BACH2: variants seen among roughly 807,000 people sequenced by gnomAD.
BACH2 encodes the protein transcription regulator protein BACH2.
In BACH2, 5 loss-of-function variants were observed where a neutral mutation model predicts 61.8. The ratio of observed to expected loss-of-function variants is 0.08; its 90% CI spans 0.04 to 0.17. The LOEUF (loss-of-function observed/expected upper bound fraction) is 0.17. BACH2 is among the 10% of genes least tolerant of loss of function. The pLI, the probability that BACH2 is intolerant of heterozygous loss-of-function variation, is 1.00. For synonymous variants in BACH2, 446 were observed against 440.1 expected (o/e 1.01, Z -0.17); for missense variants, 824 against 1,091.1 (o/e 0.76, Z 3.45).
chr6:89,954,598 A>G (rs1774324750), intron 6 of BACH2, among the ~76,000 whole-genome samples: 1 of 150,874 alleles, frequency 6.6e-6, no homozygotes, highest in Admixed American at 6.6e-5. Flanking sequence ...GAAAATTTCT[A>G]AAGAAGCCAG....
Position 89,951,213 on chromosome 6 carries a change from G to C in BACH2, c.893C>G (p.Pro298Arg). 5 of 1,614,062 alleles carry C rather than the reference G, an allele frequency of 3.1e-6. No homozygotes were observed. The highest frequency in any genetic ancestry group is 4.2e-6 in the Non-Finnish European group (5 of 1,180,036). Reference sequence around the variant, plus strand: ...ATCCCCCGCTCTGTCCTTGGCGTCAGGCTCATCTCCAGACAGGCAGAGCGT... The same window carrying C: ...ATCCCCCGCTCTGTCCTTGGCGTCACGCTCATCTCCAGACAGGCAGAGCGT... ...SITLCLSGDE[P>R]DAKDRAGDVE... Residue 298 changes from proline to arginine, a missense_variant, in exon 7 of 9, where the codon CCT becomes CGT. By Grantham distance (103) the Pro-to-Arg change is moderately radical. Around this residue, in one of 8 missense-constraint regions of BACH2, gnomAD observed 226 missense variants for 228.5 expected, o/e 0.99. Coordinates refer to ENST00000257749, the MANE Select transcript of BACH2 (RefSeq NM_021813.4). The surrounding 1 kb of genome is among the most constrained non-coding windows in gnomAD (Gnocchi z 6.4).
chr6:89,945,191 C>T (rs1773654868), intron 7 of BACH2, among the ~76,000 whole-genome samples: 1 of 152,138 alleles, frequency 6.6e-6, no homozygotes, highest in Non-Finnish European at 1.5e-5. Flanking sequence ...TAACTGAAAA[C>T]ATGTCTTAAA....
At chr6:90,158,635 G>A (rs373124095) in intron 4 of BACH2, among the ~76,000 whole-genome samples, 97 of 152,200 alleles carry the variant, frequency 6.4e-4, no homozygotes, top group African/African-American at 2.2e-3. Flanking sequence ...AGAGACGGGT[G>A]GTTGAGCTGG....
At chr6:90,292,544 T>C (rs1261109237) in intron 1 of BACH2, among the ~76,000 whole-genome samples, 1 of 152,230 alleles carries the variant, frequency 6.6e-6, no homozygotes, top group African/African-American at 2.4e-5. Flanking sequence ...TCGAATTCTC[T>C]GTTAAAAAGG....
intron 3 of BACH2, among the ~76,000 whole-genome samples, chr6:90,223,520 G>A (rs992222383): frequency 5.3e-5 from 8 of 152,142 alleles, no homozygotes; most frequent in Non-Finnish European, 7.4e-5. Flanking sequence ...CCAGGCTGGA[G>A]TGCAGTGGCG....
intron 3 of BACH2, among the ~76,000 whole-genome samples, chr6:90,241,468 T>C (rs1298233421): frequency 6.6e-6 from 1 of 152,154 alleles, no homozygotes; most frequent in African/African-American, 2.4e-5. Context: ...ACTGCAAGGG[T>C]AGGAATTTCC....
At chr6:89,943,319 T>G (rs1360939700) in intron 7 of BACH2, among the ~76,000 whole-genome samples, 1 of 152,138 alleles carries the variant, frequency 6.6e-6, no homozygotes, top group African/African-American at 2.4e-5. Flanking sequence ...TCGGCTGCTT[T>G]ATTTCTCTTC....
Position 90,295,076 on chromosome 6 carries a change from ACGCCGCGTCTCG to A in BACH2, c.-446+1392_-446+1403del, listed in dbSNP as rs372123520. 1.6e-3 allele frequency among the ~76,000 whole-genome samples: 239 copies of A among 152,282 alleles called. 1 individual carries two copies. The highest frequency in any genetic ancestry group is 5.6e-3 in the African/African-American group (231 of 41,574). On this transcript the variant is annotated intron_variant, in intron 1 of 8. Coordinates refer to ENST00000257749, the MANE Select transcript of BACH2 (RefSeq NM_021813.4). The stretch of plus-strand genomic sequence containing the variant: ...TAGACAGCGAAGGTGAAAACCAGGA[ACGCCGCGTCTCG>A]CCGCCCGCGGGCCCGCCGGGAGACT...
chr6:90,120,939 T>C (rs1783598617), intron 4 of BACH2, among the ~76,000 whole-genome samples: 1 of 152,206 alleles, frequency 6.6e-6, no homozygotes, highest in South Asian at 2.1e-4. Context: ...TATGAAAATT[T>C]AGTAAAATTA....
intron 6 of BACH2, among the ~76,000 whole-genome samples, chr6:89,979,656 A>C (rs1189101948): frequency 6.6e-6 from 1 of 152,210 alleles, no homozygotes; most frequent in Non-Finnish European, 1.5e-5. Flanking sequence ...CCATAGGATT[A>C]ATTTCTGTCT....
chr6:90,188,138 C>T (rs1040123391), intron 4 of BACH2, among the ~76,000 whole-genome samples: 4 of 152,210 alleles, frequency 2.6e-5, no homozygotes, highest in African/African-American at 9.6e-5. Flanking sequence ...TCCCCAACTC[C>T]TTTTGGTGAC....
At chr6:90,219,923 T>G (rs1769681982) in intron 3 of BACH2, among the ~76,000 whole-genome samples, 1 of 151,880 alleles carries the variant, frequency 6.6e-6, no homozygotes, top group Non-Finnish European at 1.5e-5. Context: ...GATTCTTTTT[T>G]CTGCACTAAG....
chr6:90,189,797 A>G (rs904219638), intron 4 of BACH2, among the ~76,000 whole-genome samples: 2 of 152,082 alleles, frequency 1.3e-5, no homozygotes, highest in Admixed American at 6.5e-5. Flanking sequence ...AGGTTGGTTA[A>G]TCTGCTGAGC....
chr6:90,268,469 G>C (rs1446871732), intron 2 of BACH2, among the ~76,000 whole-genome samples: 2 of 152,124 alleles, frequency 1.3e-5, no homozygotes, highest in African/African-American at 2.4e-5. Context: ...ACCAGCCCTA[G>C]TCCCAGAATA....
chr6:90,165,876 T>A (rs1767594039), intron 4 of BACH2, among the ~76,000 whole-genome samples: 2 of 152,140 alleles, frequency 1.3e-5, no homozygotes, highest in Non-Finnish European at 2.9e-5. Flanking sequence ...TGAAAGTGGA[T>A]CCCTTCCTTA....
chr6:90,099,309 G>A (rs983362994), intron 4 of BACH2, among the ~76,000 whole-genome samples: 1 of 152,162 alleles, frequency 6.6e-6, no homozygotes, highest in Non-Finnish European at 1.5e-5. Flanking sequence ...AGCTGACTTT[G>A]GCCAAGCAAT....
chr6:90,153,362 C>T (rs1784892333), intron 4 of BACH2, among the ~76,000 whole-genome samples: 1 of 152,052 alleles, frequency 6.6e-6, no homozygotes, highest in Non-Finnish European at 1.5e-5. Flanking sequence ...AAGAGTAATC[C>T]TGCTTCTAAA....
At chr6:89,980,630 T>G (rs898113012) in intron 6 of BACH2, among the ~76,000 whole-genome samples, 16 of 152,214 alleles carry the variant, frequency 1.1e-4, no homozygotes, top group African/African-American at 3.4e-4. Context: ...TTTTCTTTAC[T>G]GTTTTTTGGC....
chr6:90,223,448 G>A (rs911624447), intron 3 of BACH2, among the ~76,000 whole-genome samples: 2 of 152,074 alleles, frequency 1.3e-5, no homozygotes, highest in Non-Finnish European at 2.9e-5. Context: ...ATGGAGTGGG[G>A]CTTTCAGATA....
Sources: gnomAD v4.1 joint callset for allele counts (sites outside exome capture counted in the v4.1 genomes callset) on GRCh38, gnomAD v4.1.1 for gene constraint, gnomAD v4.1.1 regional missense constraint, Gnocchi (gnomAD v3.1) non-coding constraint, MANE v1.5 for transcripts, NCBI Gene and HGNC (gene_info 2026-07-23, HGNC 2026-07-21) for gene names.